MPDZ: variants seen among roughly 807,000 people sequenced by gnomAD.
The protein encoded by MPDZ is multiple PDZ domain crumbs cell polarity complex component.
A neutral mutation model predicts 239.1 loss-of-function variants in MPDZ; 234 were observed. The observed-to-expected ratio is 0.98, with a 90% CI of 0.88 to 1.09. The LOEUF (loss-of-function observed/expected upper bound fraction) is 1.09. MPDZ is among the 50% of genes least tolerant of loss of function. The pLI is 0.00. For synonymous variants in MPDZ, 1,048 were observed against 881.3 expected (o/e 1.19, Z -3.35); for missense variants, 3,175 against 2,510.0 (o/e 1.26, Z -5.66).
intron 40 of MPDZ, among the ~76,000 whole-genome samples, chr9:13,114,678 G>A (rs1943087763): frequency 6.6e-6 from 1 of 152,094 alleles, no homozygotes; most frequent in South Asian, 2.1e-4. Flanking sequence ...GAGGCGGGTG[G>A]ATCACGAGGT....
intron 18 of MPDZ, among the ~76,000 whole-genome samples, chr9:13,184,639 A>G (rs1399673516): frequency 6.6e-6 from 1 of 152,006 alleles, no homozygotes; most frequent in African/African-American, 2.4e-5. Flanking sequence ...ACAAATATAC[A>G]TAACATACAA....
chr9:13,272,317 C>CA (rs1321594403), intron 1 of MPDZ, among the ~76,000 whole-genome samples: 1 of 152,056 alleles, frequency 6.6e-6, no homozygotes, highest in Non-Finnish European at 1.5e-5. Flanking sequence ...ACCCAGGCCC[C>CA]AGGGCTATTT....
intron 26 of MPDZ, among the ~76,000 whole-genome samples, chr9:13,144,105 G>A (rs947371570): frequency 1.3e-5 from 2 of 151,916 alleles, no homozygotes; most frequent in African/African-American, 4.8e-5. Context: ...CAGAGCAATT[G>A]TATTTTTTAA....
At chr9:13,154,564 G>A (rs1446799562) in intron 24 of MPDZ, among the ~76,000 whole-genome samples, 1 of 152,148 alleles carries the variant, frequency 6.6e-6, no homozygotes. Flanking sequence ...TCTCTACACA[G>A]AGTTTCTGTG....
rs553363078 is a variant in MPDZ at position 13,236,320 on chromosome 9, C to A, written c.183+11315G>T. Among the ~76,000 whole-genome samples the A allele has an allele frequency of 5.1e-4, 67 of 130,416 alleles. No individual in the cohort carries two copies. In the East Asian group the frequency reaches 6.9e-3, roughly 13 times the overall value. 85.6% of individuals were successfully genotyped at this position (130,416 alleles called of 152,430 possible). On this transcript the variant is annotated intron_variant, in intron 3 of 46. Transcript: ENST00000319217. Reference sequence around the variant, plus strand: ...GAGACAGAGTTTCACTCTTGTTGCCCAGGCTGGAGTGCGATGGCACAATCT... The same window carrying A: ...GAGACAGAGTTTCACTCTTGTTGCCAAGGCTGGAGTGCGATGGCACAATCT...
chr9:13,246,592 C>T (rs576143313), intron 3 of MPDZ, among the ~76,000 whole-genome samples: 105 of 152,298 alleles, frequency 6.9e-4, no homozygotes, highest in Middle Eastern at 3.4e-3. Flanking sequence ...TGTGAAGATT[C>T]TTCTTGACTT....
chr9:13,126,865 T>C (rs919321371), intron 32 of MPDZ, 93 bp from the exon 33 acceptor site: 5 of 1,008,006 alleles, frequency 5.0e-6, no homozygotes, highest in African/African-American at 4.8e-5. Flanking sequence ...ACTAAAACTC[T>C]TCTGAAGTCC....
At chr9:13,235,706 G>A (rs1013303051) in intron 3 of MPDZ, among the ~76,000 whole-genome samples, 2 of 152,130 alleles carry the variant, frequency 1.3e-5, no homozygotes, top group African/African-American at 4.8e-5. Flanking sequence ...AATGCTGATG[G>A]AGTCATTTTA....
chr9:13,248,591 G>T (rs1246637747), intron 2 of MPDZ, among the ~76,000 whole-genome samples: 3 of 151,582 alleles, frequency 2.0e-5, no homozygotes, highest in African/African-American at 4.8e-5. Flanking sequence ...TTTTAATGAA[G>T]ACTGTTCAGA....
chr9:13,174,061 C>G (rs4740547), intron 21 of MPDZ, among the ~76,000 whole-genome samples: 21 of 152,174 alleles, frequency 1.4e-4, no homozygotes, highest in African/African-American at 4.8e-4. Flanking sequence ...TGCCTTACTT[C>G]TAAGCAGCTT....
At chr9:13,173,449 T>C (rs1183292983) in intron 21 of MPDZ, among the ~76,000 whole-genome samples, 2 of 152,108 alleles carry the variant, frequency 1.3e-5, no homozygotes, top group African/African-American at 4.8e-5. Context: ...GTGCCTGTAA[T>C]CCTAGCACTT....
intron 24 of MPDZ, among the ~76,000 whole-genome samples, chr9:13,155,628 A>C (rs1468486928): frequency 6.6e-6 from 1 of 152,176 alleles, no homozygotes; most frequent in Non-Finnish European, 1.5e-5. Flanking sequence ...GCAAAATAAA[A>C]TACAGCCCAT....
At chr9:13,237,291 T>G (rs554878161) in intron 3 of MPDZ, among the ~76,000 whole-genome samples, 23 of 149,932 alleles carry the variant, frequency 1.5e-4, no homozygotes, top group Non-Finnish European at 2.7e-4. Context: ...AAAAAAAAAA[T>G]TGCCTGGCTA....
intron 7 of MPDZ, among the ~76,000 whole-genome samples, chr9:13,221,111 T>C (rs1959045226): frequency 6.6e-6 from 1 of 152,030 alleles, no homozygotes; most frequent in South Asian, 2.1e-4. Context: ...ATCAAATCCA[T>C]AACCTTGGCT....
At chr9:13,222,178 C>A (rs114243286) in intron 6 of MPDZ, 55 bp downstream of exon 6, 2 of 1,475,476 alleles carry the variant, frequency 1.4e-6, no homozygotes, top group African/African-American at 1.4e-5. Flanking sequence ...TTGGAGATAA[C>A]CAAAAACAAC....
chr9:13,118,448 G>A (rs893696594), intron 39 of MPDZ, among the ~76,000 whole-genome samples: 1 of 152,132 alleles, frequency 6.6e-6, no homozygotes, highest in African/African-American at 2.4e-5. Context: ...AATCCCTCCA[G>A]GAAGCCCAGC....
intron 35 of MPDZ, among the ~76,000 whole-genome samples, chr9:13,124,343 ATTACT>A: frequency 6.6e-6 from 1 of 152,298 alleles, no homozygotes; most frequent in East Asian, 1.9e-4. Context: ...TCGGAGATGT[ATTACT>A]TTAAGACTTT....
At chr9:13,262,991 G>A (rs749279766) in intron 1 of MPDZ, among the ~76,000 whole-genome samples, 5 of 152,090 alleles carry the variant, frequency 3.3e-5, no homozygotes, top group Non-Finnish European at 7.4e-5. Flanking sequence ...AGCCGCATAC[G>A]GGGGGACTCA....
chr9:13,156,186 C>T (rs1470116169), intron 24 of MPDZ, among the ~76,000 whole-genome samples: 1 of 152,136 alleles, frequency 6.6e-6, no homozygotes, highest in Admixed American at 6.6e-5. Flanking sequence ...TCAAAAGATT[C>T]TATTATTAAC....
Sources: allele counts gnomAD v4.1 joint callset (sites outside exome capture counted in the v4.1 genomes callset), GRCh38; gene constraint gnomAD v4.1.1; transcripts MANE v1.5; gene names NCBI Gene and HGNC (gene_info 2026-07-23, HGNC 2026-07-21).